PPP6R3: variants seen among roughly 807,000 people sequenced by gnomAD.
PPP6R3 encodes the protein protein phosphatase 6 regulatory subunit 3.
A neutral mutation model predicts 110.7 loss-of-function variants in PPP6R3; 38 were observed. The ratio of observed to expected loss-of-function variants is 0.34; its 90% confidence interval spans 0.26 to 0.45. The LOEUF (loss-of-function observed/expected upper bound fraction) is 0.45, where lower values mean the gene tolerates loss of function less well. PPP6R3 is among the 20% of genes least tolerant of loss of function. The pLI, the probability that PPP6R3 is intolerant of heterozygous loss-of-function variation, is 1.00. For missense variants in PPP6R3, 870 were observed against 1,062.4 expected, an observed-to-expected ratio of 0.82 and a Z score of 2.52; for synonymous variants, 369 against 373.5, an observed-to-expected ratio of 0.99 and a Z score of 0.14.
chr11:68,510,118 G>A lies in PPP6R3; in HGVS notation c.-157-9383G>A, dbSNP rs560927040. On this transcript the variant is annotated intron_variant, in intron 1 of 23. Transcript: ENST00000393800. ...TGGGGGTCTCACCATGTTGCTCATG[G>A]TGTCCTCTAACTCCTGAGCTCAAGT... Among the ~76,000 whole-genome samples the A allele has an allele frequency of 3.6e-5, 5 of 137,082 alleles. No homozygotes were observed. The South Asian group carries it at 1.2e-3, about 32-fold the overall frequency. 89.9% of individuals were successfully genotyped at this position (137,082 alleles called of 152,430 possible).
chr11:68,559,353 G>A (rs889536271), intron 8 of PPP6R3, among the ~76,000 whole-genome samples: 1 of 152,220 alleles, frequency 6.6e-6, no homozygotes, highest in Non-Finnish European at 1.5e-5. Flanking sequence ...CATTATCAGA[G>A]TTTTCTAACT....
At chr11:68,469,310 C>G (rs2098772070) in intron 1 of PPP6R3, among the ~76,000 whole-genome samples, 1 of 152,086 alleles carries the variant, frequency 6.6e-6, no homozygotes, top group Non-Finnish European at 1.5e-5. Context: ...CTTTGTTTAT[C>G]TTTTTGAGAT....
At chr11:68,572,196 A>G (rs1044313561) in intron 12 of PPP6R3, among the ~76,000 whole-genome samples, 7 of 151,916 alleles carry the variant, frequency 4.6e-5, no homozygotes, top group Non-Finnish European at 8.8e-5. Flanking sequence ...ATCTCTGGTT[A>G]TATGTCTGAC....
chr11:68,582,360 A>G (rs916402878), intron 14 of PPP6R3, among the ~76,000 whole-genome samples: 1 of 152,252 alleles, frequency 6.6e-6, no homozygotes, highest in Non-Finnish European at 1.5e-5. Flanking sequence ...ATTGTGTGAC[A>G]TTTGTAATTA....
At chr11:68,544,517 G>C (rs1299804009) in intron 3 of PPP6R3, among the ~76,000 whole-genome samples, 1 of 152,224 alleles carries the variant, frequency 6.6e-6, no homozygotes, top group Non-Finnish European at 1.5e-5. Flanking sequence ...CGTACGTCCA[G>C]CCGCTTTCCT....
chr11:68,612,489 T>C (rs116579578), intron 23 of PPP6R3, among the ~76,000 whole-genome samples: 53 of 152,310 alleles, frequency 3.5e-4, no homozygotes, highest in African/African-American at 1.2e-3. Context: ...CCTGGACACT[T>C]TGTTATATAC....
intron 8 of PPP6R3, among the ~76,000 whole-genome samples, chr11:68,562,848 T>C (rs769879670): frequency 6.6e-6 from 1 of 152,202 alleles, no homozygotes; most frequent in Non-Finnish European, 1.5e-5. Flanking sequence ...ACAGATTGTT[T>C]AGATACATTG....
At chr11:68,601,415 T>A (rs1327542872) in intron 20 of PPP6R3, among the ~76,000 whole-genome samples, 1 of 152,206 alleles carries the variant, frequency 6.6e-6, no homozygotes, top group Non-Finnish European at 1.5e-5. Context: ...GTTTCCACAG[T>A]TCCAACAACA....
chr11:68,519,470 G>A lies in PPP6R3; in HGVS notation c.-157-31G>A, dbSNP rs2099153257. ...ATCATCACACCAAAAGAGAACATATGTGATTATCTGCTTTTTTTTTTCTTT... is the reference window on the plus strand; with the variant it reads ...ATCATCACACCAAAAGAGAACATATATGATTATCTGCTTTTTTTTTTCTTT... On this transcript the variant is annotated intron_variant, in intron 1 of 23. Coordinates refer to ENST00000393800, the MANE Select transcript of PPP6R3 (RefSeq NM_001164161.2). 3 of 396,130 alleles carry A rather than the reference G, an allele frequency of 7.6e-6. No homozygotes were observed. In the East Asian group the frequency reaches 1.1e-4, roughly 14 times the overall value. 24.5% of individuals were successfully genotyped at this position (396,130 alleles called of 1,614,324 possible). A position where few individuals can be genotyped will look rare whatever the true frequency, so the allele number is the denominator to read the frequency against.
chr11:68,511,513 C>A (rs141928751), intron 1 of PPP6R3, among the ~76,000 whole-genome samples: 1 of 98,438 alleles, frequency 1.0e-5, no homozygotes, highest in Non-Finnish European at 2.3e-5. Flanking sequence ...TGGAGTCTCA[C>A]CCTGTTGCCC....
At chr11:68,567,947 T>A (rs1029229786) in intron 10 of PPP6R3, among the ~76,000 whole-genome samples, 2 of 151,860 alleles carry the variant, frequency 1.3e-5, no homozygotes, top group Admixed American at 6.6e-5. Flanking sequence ...AACATTACAG[T>A]GAGAGAGAGG....
At chr11:68,514,935 A>G (rs993334893) in intron 1 of PPP6R3, 1 of 152,090 alleles carries the variant, frequency 6.6e-6, no homozygotes, top group African/African-American at 2.4e-5. Context: ...AGTTTTTTTA[A>G]ATTATTTTTT....
intron 22 of PPP6R3, chr11:68,609,519 C>A: frequency 7.2e-7 from 1 of 1,391,850 alleles, no homozygotes; most frequent in Non-Finnish European, 1.0e-6. Context: ...TACGTGCAGT[C>A]GTGGACATAT....
chr11:68,499,523 G>A (rs781338102), intron 1 of PPP6R3, among the ~76,000 whole-genome samples: 2 of 152,124 alleles, frequency 1.3e-5, no homozygotes, highest in Non-Finnish European at 2.9e-5. Flanking sequence ...TGGAAGTCAC[G>A]TAGCATCTAG....
At chr11:68,547,004 C>G (rs2099351818) in intron 4 of PPP6R3, among the ~76,000 whole-genome samples, 1 of 152,152 alleles carries the variant, frequency 6.6e-6, no homozygotes. Flanking sequence ...TAATGCTTGA[C>G]CTCATTGTCT....
chr11:68,607,278 T>G (rs1439753506), intron 22 of PPP6R3, among the ~76,000 whole-genome samples: 1 of 152,214 alleles, frequency 6.6e-6, no homozygotes, highest in Non-Finnish European at 1.5e-5. Context: ...TCACAGTGAT[T>G]GGAACAGTTT....
intron 3 of PPP6R3, among the ~76,000 whole-genome samples, chr11:68,541,826 A>G (rs1255885818): frequency 6.6e-6 from 1 of 152,054 alleles, no homozygotes; most frequent in Non-Finnish European, 1.5e-5. Flanking sequence ...GGCTTCAGGA[A>G]GGAGGGGGGA....
intron 2 of PPP6R3, among the ~76,000 whole-genome samples, chr11:68,528,116 A>G (rs2099210633): frequency 6.6e-6 from 1 of 152,196 alleles, no homozygotes; most frequent in Non-Finnish European, 1.5e-5. Context: ...TTTAGGGACC[A>G]TCTGTCATAT....
chr11:68,487,805 G>C (rs943830637), intron 1 of PPP6R3, among the ~76,000 whole-genome samples: 2 of 152,124 alleles, frequency 1.3e-5, no homozygotes, highest in African/African-American at 4.8e-5. Context: ...CTCTCTTGGT[G>C]AATGTTCTGT....
Sources: allele counts gnomAD v4.1 joint callset (sites outside exome capture counted in the v4.1 genomes callset), GRCh38; gene constraint gnomAD v4.1.1; transcripts MANE v1.5; gene names NCBI Gene and HGNC (gene_info 2026-07-23, HGNC 2026-07-21).